The following SAMD5 variants were observed in gnomAD, a reference collection of about 807,000 sequenced individuals.
SAMD5 encodes the protein sterile alpha motif domain containing 5, also known as sterile alpha motif domain-containing protein 5.
A neutral mutation model predicts 11.3 loss-of-function variants in SAMD5; 13 were observed. The ratio of observed to expected loss-of-function variants is 1.15; its 90% CI spans 0.75 to 1.83. The LOEUF is 1.83. SAMD5 is among the 40% of genes most tolerant of loss of function. SAMD5 has a pLI of 0.00. For synonymous variants in SAMD5, 129 were observed against 111.3 expected, an observed-to-expected ratio of 1.16 and a Z score of -1.00; for missense variants, 255 against 239.1, an observed-to-expected ratio of 1.07 and a Z score of -0.44.
chr6:147,789,928 C>T, the SAMD5 span, among the ~76,000 whole-genome samples: 1 of 152,164 alleles, frequency 6.6e-6, no homozygotes, highest in African/African-American at 2.4e-5. Context: ...ATCCAAAAGC[C>T]TGACGATACT....
intron 1 of SAMD5, among the ~76,000 whole-genome samples, chr6:147,652,655 G>T (rs947899614): frequency 6.6e-6 from 1 of 152,206 alleles, no homozygotes; most frequent in African/African-American, 2.4e-5. Context: ...TCCTGAATAT[G>T]TCACAAGTAT....
chr6:147,607,932 C>T (rs1041421793), intron 1 of SAMD5, among the ~76,000 whole-genome samples: 2 of 152,072 alleles, frequency 1.3e-5, no homozygotes, highest in Non-Finnish European at 2.9e-5. Flanking sequence ...TCAAACAACT[C>T]TGTAGGAAAA....
At chr6:147,746,828 A>C in the SAMD5 span, among the ~76,000 whole-genome samples, 19 of 152,226 alleles carry the variant, frequency 1.2e-4, no homozygotes, top group African/African-American at 4.6e-4. Context: ...AGCAGGGGTC[A>C]CTAGGCGGCA....
chr6:147,718,772 C>A (rs766699692), intron 1 of SAMD5, among the ~76,000 whole-genome samples: 2 of 152,014 alleles, frequency 1.3e-5, no homozygotes, highest in Non-Finnish European at 2.9e-5. Context: ...CTCACTGCAG[C>A]CTCCCCCTCC....
intron 1 of SAMD5, among the ~76,000 whole-genome samples, chr6:147,615,388 T>G (rs922766894): frequency 6.6e-6 from 1 of 152,198 alleles, no homozygotes; most frequent in African/African-American, 2.4e-5. Context: ...AGTTCTGAAT[T>G]TAAGATTAGA....
chr6:147,779,228 C>T, the SAMD5 span, among the ~76,000 whole-genome samples: 1 of 151,974 alleles, frequency 6.6e-6, no homozygotes, highest in Admixed American at 6.6e-5. Context: ...TTTGTTGAGG[C>T]CCTCCTCATA....
At chr6:147,831,320 G>C in the SAMD5 span, among the ~76,000 whole-genome samples, 1 of 152,180 alleles carries the variant, frequency 6.6e-6, no homozygotes, top group South Asian at 2.1e-4. Context: ...TAACTGAAAA[G>C]TTTTCGTGGT....
chr6:147,795,138 A>C, the SAMD5 span, among the ~76,000 whole-genome samples: 464 of 149,416 alleles, frequency 3.1e-3, 4 homozygotes, highest in African/African-American at 0.011. Context: ...ATACGTATAC[A>C]TGTGCCATGC....
At chr6:147,544,170 T>C (rs1317708727) in intron 1 of SAMD5, among the ~76,000 whole-genome samples, 2 of 152,194 alleles carry the variant, frequency 1.3e-5, no homozygotes, top group Admixed American at 6.5e-5. Flanking sequence ...CTGACTTGCA[T>C]TGCATGATCA....
At chr6:147,872,276 T>A in the SAMD5 span, among the ~76,000 whole-genome samples, 3 of 151,874 alleles carry the variant, frequency 2.0e-5, no homozygotes, top group Non-Finnish European at 4.4e-5. Flanking sequence ...TGGCTGTTTT[T>A]TTTTAGAGAT....
the SAMD5 span, among the ~76,000 whole-genome samples, chr6:147,932,720 A>C: frequency 0.077 from 11,649 of 151,870 alleles, 610 homozygotes; most frequent in Admixed American, 0.15. Context: ...CTGAACTTAC[A>C]AATGGCTGGG....
At chr6:147,515,792 A>G (rs1250420067) in intron 1 of SAMD5, among the ~76,000 whole-genome samples, 1 of 152,196 alleles carries the variant, frequency 6.6e-6, no homozygotes, top group African/African-American at 2.4e-5. Context: ...TTCTGCAAAC[A>G]TGAAGGATTG....
At position 147,567,808 on chromosome 6, in the gene SAMD5, G is replaced by A. The variant is rs144871301; in HGVS notation, c.*3352G>A. 405 of 985,216 alleles carry A rather than the reference G, an allele frequency of 4.1e-4. 10 individuals carry two copies. The East Asian group carries it at 0.034, about 82-fold the overall frequency. The allele number at this position is 985,216 out of a possible 1,614,324, so 61.0% of individuals were successfully genotyped here. Reference sequence around the variant, plus strand: ...ATTTCTCTCAGGAAGGATAAAAAAGGCTACAGTACCTGCTCATAGGAGTTC... The same window carrying A: ...ATTTCTCTCAGGAAGGATAAAAAAGACTACAGTACCTGCTCATAGGAGTTC... On this transcript the variant is annotated 3_prime_UTR_variant, in exon 2 of 2. Transcript: ENST00000367474.
the SAMD5 span, among the ~76,000 whole-genome samples, chr6:147,809,484 A>T: frequency 5.3e-5 from 8 of 152,196 alleles, no homozygotes; most frequent in Non-Finnish European, 4.4e-5. Flanking sequence ...TTAAAAGAAA[A>T]AAAAAACTCA....
At chr6:147,701,082 G>A (rs1791246980) in intron 1 of SAMD5, among the ~76,000 whole-genome samples, 1 of 152,086 alleles carries the variant, frequency 6.6e-6, no homozygotes, top group South Asian at 2.1e-4. Flanking sequence ...GGCTTCCAGG[G>A]CCTCTGCATG....
At chr6:147,931,508 T>C in the SAMD5 span, among the ~76,000 whole-genome samples, 1 of 152,328 alleles carries the variant, frequency 6.6e-6, no homozygotes, top group African/African-American at 2.4e-5. Context: ...GGTAATTGTC[T>C]AGTTACCTCC....
At chr6:147,899,238 C>T in the SAMD5 span, among the ~76,000 whole-genome samples, 2 of 148,796 alleles carry the variant, frequency 1.3e-5, no homozygotes, top group African/African-American at 5.0e-5. Flanking sequence ...GTATTTTCCT[C>T]ATGCAAGATA....
At chr6:147,809,493 CA>C in the SAMD5 span, among the ~76,000 whole-genome samples, 1 of 151,956 alleles carries the variant, frequency 6.6e-6, no homozygotes, top group Non-Finnish European at 1.5e-5. Flanking sequence ...AAAAAAAACT[CA>C]GGGAAAATAA....
the SAMD5 span, among the ~76,000 whole-genome samples, chr6:147,895,961 T>G: frequency 6.6e-6 from 1 of 152,182 alleles, no homozygotes; most frequent in Non-Finnish European, 1.5e-5. Context: ...CTGGGGGTCT[T>G]AAGCACTAAT....
Sources: allele counts gnomAD v4.1 joint callset (sites outside exome capture counted in the v4.1 genomes callset), GRCh38; gene constraint gnomAD v4.1.1; transcripts MANE v1.5; gene names NCBI Gene and HGNC (gene_info 2026-07-23, HGNC 2026-07-21).